Variants in RASGEF1C observed in about 807,000 individuals in gnomAD.
RASGEF1C encodes ras-GEF domain-containing family member 1C.
A neutral mutation model predicts 58.1 loss-of-function variants in RASGEF1C; 27 were observed. That is an observed-to-expected ratio of 0.46 (90% confidence interval 0.34 to 0.64). The LOEUF (loss-of-function observed/expected upper bound fraction) is 0.64. Ranked by LOEUF, RASGEF1C falls within the 30% of genes least tolerant of loss-of-function variation. The pLI is 0.01. For synonymous variants in RASGEF1C, 243 were observed against 246.3 expected, an observed-to-expected ratio of 0.99 and a Z score of 0.13; for missense variants, 502 against 605.1, an observed-to-expected ratio of 0.83 and a Z score of 1.79.
intron 1 of RASGEF1C, among the ~76,000 whole-genome samples, chr5:180,161,176 G>T (rs576553194): frequency 4.3e-4 from 66 of 152,334 alleles, no homozygotes; most frequent in East Asian, 3.7e-3. Flanking sequence ...TGGGATAAAC[G>T]CAAAGTTCCC....
At chr5:180,188,061 CA>C (rs1204452729) in intron 1 of RASGEF1C, among the ~76,000 whole-genome samples, 1 of 151,994 alleles carries the variant, frequency 6.6e-6, no homozygotes, top group Non-Finnish European at 1.5e-5. Context: ...CTTCAGTAGC[CA>C]AAAGGGGGAA....
chr5:180,163,676 ACTG>A (rs1288768522), intron 1 of RASGEF1C, among the ~76,000 whole-genome samples: 1 of 152,066 alleles, frequency 6.6e-6, no homozygotes, highest in Non-Finnish European at 1.5e-5. Flanking sequence ...ACCTATATAT[ACTG>A]CTGAATTTTA....
chr5:180,202,754 G>A (rs1381432333), intron 1 of RASGEF1C, among the ~76,000 whole-genome samples: 5 of 151,048 alleles, frequency 3.3e-5, no homozygotes, highest in Non-Finnish European at 7.4e-5. Context: ...CCAGGCTGGA[G>A]TGCAGTGGCA....
chr5:180,123,689 T>C (rs957570979), intron 6 of RASGEF1C, among the ~76,000 whole-genome samples: 2 of 151,432 alleles, frequency 1.3e-5, no homozygotes, highest in South Asian at 2.1e-4. Context: ...AGAAAGTAGA[T>C]GGAAGGAAAT....
At chr5:180,149,410 G>A (rs1443185297) in intron 1 of RASGEF1C, among the ~76,000 whole-genome samples, 1 of 151,002 alleles carries the variant, frequency 6.6e-6, no homozygotes, top group South Asian at 2.1e-4. Flanking sequence ...TAAGGTTTCC[G>A]TGGGAAATTT....
At chr5:180,144,210 C>T (rs1766629416) in intron 1 of RASGEF1C, among the ~76,000 whole-genome samples, 2 of 152,208 alleles carry the variant, frequency 1.3e-5, no homozygotes, top group Admixed American at 6.5e-5. Context: ...TTGCCAACTG[C>T]ACCGCCATGG....
intron 1 of RASGEF1C, among the ~76,000 whole-genome samples, chr5:180,205,189 AAAAT>A (rs925444129): frequency 6.6e-6 from 1 of 152,160 alleles, no homozygotes; most frequent in African/African-American, 2.4e-5. Context: ...ACTCCGTCTC[AAAAT>A]AAATAAATAA....
intron 1 of RASGEF1C, among the ~76,000 whole-genome samples, chr5:180,203,925 A>G (rs1038417706): frequency 2.6e-5 from 4 of 152,010 alleles, no homozygotes; most frequent in Admixed American, 1.3e-4. Context: ...CCTGGGAGGC[A>G]GAGGTTGGAG....
chr5:180,178,468 C>T (rs1355508157), intron 1 of RASGEF1C, among the ~76,000 whole-genome samples: 4 of 150,878 alleles, frequency 2.7e-5, no homozygotes, highest in Admixed American at 6.6e-5. Context: ...TTAGTAGAGA[C>T]GGGGTTTCAC....
chr5:180,175,854 G>A (rs1354122865), intron 1 of RASGEF1C, among the ~76,000 whole-genome samples: 1 of 152,190 alleles, frequency 6.6e-6, no homozygotes, highest in Non-Finnish European at 1.5e-5. Flanking sequence ...CGGGCGCAGT[G>A]GCGGGCGCCT....
In RASGEF1C at chr5:180,121,108, C is replaced by T. The variant is rs34070710; in HGVS notation, c.756G>A (p.Val252=). The T allele has an allele frequency of 3.1e-6, 5 of 1,614,034 alleles. No individual in the cohort carries two copies. The highest frequency in any genetic ancestry group is 4.2e-6 in the Non-Finnish European group (5 of 1,180,006). Residue 252 remains valine (V), a synonymous_variant, in exon 7 of 14, where the codon GTG becomes GTA. Transcript: ENST00000361132. ...GGTAGCACAGCCTGTTGAACCATTT[C>T]ACATAAGCCTCCAGGTTGCTGGTCT... The part of the protein sequence containing the change: ...SDKTSNLEAY[V]KWFNRLCYLV...
rs1004002367 is a variant in RASGEF1C, at chr5:180,137,222, C to T, written c.300+368G>A. On this transcript the variant is annotated intron_variant, in intron 3 of 13. Transcript: ENST00000361132. This position sits in a 1 kb window ranked among gnomAD's most constrained non-coding sequence, Gnocchi z 4.1. ...CGGTAGAGCCCTACCGACGCGTGTGCAATAGAGGCAGCCCGCAGGACCCGG... is the reference window on the plus strand; with the variant it reads ...CGGTAGAGCCCTACCGACGCGTGTGTAATAGAGGCAGCCCGCAGGACCCGG... Among the ~76,000 whole-genome samples the T allele has an allele frequency of 1.3e-5, 2 of 152,132 alleles. No individual in the cohort carries two copies. Among genetic ancestry groups the T allele is most frequent in the Non-Finnish European group, 1.5e-5 (1 of 68,016 alleles).
intron 1 of RASGEF1C, among the ~76,000 whole-genome samples, chr5:180,196,452 G>C (rs1166649976): frequency 4.1e-5 from 6 of 147,336 alleles, no homozygotes; most frequent in Non-Finnish European, 8.9e-5. Context: ...AGTGAGCCGA[G>C]ATCACACCAT....
At chr5:180,173,334 C>A (rs1431420193) in intron 1 of RASGEF1C, among the ~76,000 whole-genome samples, 1 of 152,218 alleles carries the variant, frequency 6.6e-6, no homozygotes, top group Non-Finnish European at 1.5e-5. Flanking sequence ...CACCTGCTCC[C>A]TCTGCCCCAC....
intron 11 of RASGEF1C, among the ~76,000 whole-genome samples, chr5:180,112,547 G>A (rs903761949): frequency 2.6e-5 from 4 of 152,208 alleles, no homozygotes; most frequent in Admixed American, 1.3e-4. Flanking sequence ...CAGGACTTAC[G>A]GCTCCTTGGA....
chr5:180,124,590 C>G (rs1196850928), intron 6 of RASGEF1C, among the ~76,000 whole-genome samples: 1 of 151,970 alleles, frequency 6.6e-6, no homozygotes. Context: ...TTTGGGAGGC[C>G]GAGGAGGGTG....
At chr5:180,125,219 C>T (rs1048842672) in intron 6 of RASGEF1C, among the ~76,000 whole-genome samples, 1 of 152,080 alleles carries the variant, frequency 6.6e-6, no homozygotes, top group Non-Finnish European at 1.5e-5. Context: ...AATCAGCTAA[C>T]AGTTTAAAGG....
chr5:180,124,550 C>T (rs924678090), intron 6 of RASGEF1C, among the ~76,000 whole-genome samples: 1 of 152,148 alleles, frequency 6.6e-6, no homozygotes, highest in South Asian at 2.1e-4. Context: ...AACAGCCTGG[C>T]GCAGTGGCTC....
At chr5:180,117,019 A>C (rs1378644542) in intron 10 of RASGEF1C, among the ~76,000 whole-genome samples, 2 of 152,206 alleles carry the variant, frequency 1.3e-5, no homozygotes, top group African/African-American at 4.8e-5. Context: ...GTCAGAATTC[A>C]GTTGGGGTAT....
Sources: gnomAD v4.1 joint callset for allele counts (sites outside exome capture counted in the v4.1 genomes callset) on GRCh38, gnomAD v4.1.1 for gene constraint, Gnocchi (gnomAD v3.1) non-coding constraint, MANE v1.5 for transcripts, NCBI Gene and HGNC (gene_info 2026-07-23, HGNC 2026-07-21) for gene names.